C17orf78: variants seen among roughly 807,000 people sequenced by gnomAD.
The protein encoded by C17orf78 is chromosome 17 open reading frame 78, also known as uncharacterized protein C17orf78.
C17orf78 carries 27 observed loss-of-function variants against 31.8 expected under a neutral mutation model. The observed-to-expected ratio is 0.85, with a 90% CI of 0.63 to 1.17. The LOEUF (loss-of-function observed/expected upper bound fraction) is 1.17, where lower values mean the gene tolerates loss of function less well. Ranked by LOEUF, C17orf78 falls within the 50% of genes most tolerant of loss-of-function variation. The pLI, the probability that C17orf78 is intolerant of heterozygous loss-of-function variation, is 0.00. For missense variants in C17orf78, 258 were observed against 315.2 expected, an observed-to-expected ratio of 0.82 and a Z score of 1.37; for synonymous variants, 106 against 115.1, an observed-to-expected ratio of 0.92 and a Z score of 0.51.
chr17:37,388,274 G>A (rs537756208), intron 4 of C17orf78, among the ~76,000 whole-genome samples: 17 of 152,226 alleles, frequency 1.1e-4, no homozygotes, highest in Middle Eastern at 3.4e-3. Context: ...TAGGAAAGGC[G>A]ACTTTCTAAT....
intron 3 of C17orf78, among the ~76,000 whole-genome samples, chr17:37,380,962 T>C (rs2147738808): frequency 6.6e-6 from 1 of 151,830 alleles, no homozygotes; most frequent in East Asian, 1.9e-4. Flanking sequence ...TATAGATTTA[T>C]AGTGAAAAGT....
intron 6 of C17orf78, among the ~76,000 whole-genome samples, chr17:37,391,265 C>T (rs2050872625): frequency 6.6e-6 from 1 of 152,082 alleles, no homozygotes; most frequent in Non-Finnish European, 1.5e-5. Context: ...AGATAGCAAT[C>T]TTATATACAT....
intron 3 of C17orf78, 27 bp downstream of exon 3, chr17:37,379,409 A>C: frequency 6.2e-7 from 1 of 1,604,700 alleles, no homozygotes; most frequent in Non-Finnish European, 8.5e-7. Context: ...GGAAGGGGGC[A>C]GGCACTAACT....
At position 37,380,885 on chromosome 17, in the gene C17orf78, C is replaced by T. The variant is rs561702590; in HGVS notation, c.391+1503C>T. Reference sequence around the variant, plus strand: ...TGCTGGGATTACAGGCGTGAGCCACCGTGCCTGGCCAGGTTTTTTTTTTTT... The same window carrying T: ...TGCTGGGATTACAGGCGTGAGCCACTGTGCCTGGCCAGGTTTTTTTTTTTT... On this transcript the variant is annotated intron_variant, in intron 3 of 6. Transcript: ENST00000615133. 1.5e-4 allele frequency among the ~76,000 whole-genome samples: 23 copies of T among 149,614 alleles called. No homozygotes were observed. In the South Asian group the frequency reaches 2.9e-3, roughly 19 times the overall value.
intron 2 of C17orf78, 122 bp from the exon 3 acceptor site, chr17:37,379,015 T>C (rs1156437781): frequency 3.5e-5 from 42 of 1,208,898 alleles, no homozygotes; most frequent in Non-Finnish European, 4.6e-5. Flanking sequence ...GAGGCTGGAG[T>C]GAGCCATGAT....
intron 3 of C17orf78, among the ~76,000 whole-genome samples, chr17:37,382,113 C>A (rs2050319597): frequency 6.6e-6 from 1 of 152,018 alleles, no homozygotes; most frequent in South Asian, 2.1e-4. Flanking sequence ...TTCTTGTATA[C>A]CTGCAATTTA....
intron 4 of C17orf78, 113 bp from the exon 5 acceptor site, chr17:37,388,557 T>G (rs1363158323): frequency 1.6e-6 from 2 of 1,257,166 alleles, no homozygotes; most frequent in Non-Finnish European, 2.2e-6. Flanking sequence ...GCCTCTGGGT[T>G]AGTCTGGGCC....
chr17:37,388,752 A>C lies in C17orf78; in HGVS notation c.591A>C (p.Gly197=), dbSNP rs1217529583. 2 of 1,612,910 alleles carry C rather than the reference A, an allele frequency of 1.2e-6. No individual in the cohort carries two copies. The highest frequency in any genetic ancestry group is 2.7e-5 in the African/African-American group (2 of 74,894). ...ILIAVTLLLS[G]VAIIVFVIFE... The stretch of plus-strand genomic sequence containing the variant: ...TTGCTGTCACCCTGTTGCTCAGTGG[A>C]GTTGCCATTATAGTATTTGTAATTT... The change falls in exon 5 of 7, where the codon GGA becomes GGC. Residue 197 remains glycine, a synonymous_variant. Coordinates refer to ENST00000615133, the MANE Select transcript of C17orf78 (RefSeq NM_173625.5).
intron 3 of C17orf78, among the ~76,000 whole-genome samples, chr17:37,379,670 A>G (rs961639481): frequency 1.3e-5 from 2 of 152,164 alleles, no homozygotes; most frequent in Admixed American, 1.3e-4. Context: ...AAACACATGA[A>G]AAAATGCTCA....
rs1327599599 is a variant in C17orf78 at position 37,389,311 on chromosome 17, A to G, written c.699A>G (p.Gly233=). Residue 233 remains glycine (G), a synonymous_variant, in exon 6 of 7, where the codon GGA becomes GGG. Coordinates refer to ENST00000615133, the MANE Select transcript of C17orf78 (RefSeq NM_173625.5). The part of the protein sequence containing the change: ...CQWLWRWQKK[G]GQPPGTAESK... ...GGTTGTGGAGATGGCAAAAGAAGGG[A>G]GGCCAGCCACCTGGGACAGCTGAAT... 28 of 1,598,446 alleles carry G rather than the reference A, an allele frequency of 1.8e-5. No homozygotes were observed. The highest frequency in any genetic ancestry group is 2.4e-5 in the Non-Finnish European group (28 of 1,172,828).
intron 4 of C17orf78, among the ~76,000 whole-genome samples, chr17:37,386,420 C>T (rs984440009): frequency 6.6e-6 from 1 of 152,000 alleles, no homozygotes; most frequent in Non-Finnish European, 1.5e-5. Context: ...GGTGAAAACC[C>T]GCCTCTACTA....
Position 37,388,793 on chromosome 17 carries a change from C to T in C17orf78, c.632C>T (p.Pro211Leu). 6.2e-7 allele frequency: 1 copy of T among 1,613,114 alleles called. No homozygotes were observed. The highest frequency in any genetic ancestry group is 1.1e-5 in the South Asian group (1 of 90,830). Reference protein sequence around the residue: ...IVFVIFEVPCPYQCLGARKLC... With the variant: ...IVFVIFEVPCLYQCLGARKLC... ...TTTGTAATTTTTGAAGTCCCATGTCCTGTAAGTTTGCTGTTGTATTGAATC... is the reference window on the plus strand; with the variant it reads ...TTTGTAATTTTTGAAGTCCCATGTCTTGTAAGTTTGCTGTTGTATTGAATC... The change falls in exon 5 of 7, where the codon CCT becomes CTT. Residue 211 changes from proline to leucine, a missense_variant and splice_region_variant. By Grantham distance (98) the Pro-to-Leu change is moderately conservative. Transcript: ENST00000615133.
intron 3 of C17orf78, among the ~76,000 whole-genome samples, chr17:37,384,210 C>T (rs2050428825): frequency 6.6e-6 from 1 of 152,126 alleles, no homozygotes; most frequent in South Asian, 2.1e-4. Context: ...AAAATGTCCT[C>T]AAGTAAAATA....
At chr17:37,387,208 C>G (rs540406253) in intron 4 of C17orf78, 3 of 152,514 alleles carry the variant, frequency 2.0e-5, no homozygotes, top group South Asian at 4.1e-4. Context: ...CAACCTCCCC[C>G]TCCTGGGTTC....
chr17:37,390,022 A>G (rs2050723588), intron 6 of C17orf78, among the ~76,000 whole-genome samples: 2 of 145,404 alleles, frequency 1.4e-5, no homozygotes, highest in African/African-American at 5.1e-5. Context: ...CTGATTCATC[A>G]TGCCTGCAAT....
chr17:37,377,761 G>T, intron 1 of C17orf78, 118 bp from the exon 2 acceptor site: 1 of 648,450 alleles, frequency 1.5e-6, no homozygotes, highest in Non-Finnish European at 2.6e-6. Flanking sequence ...TTATGAGCAG[G>T]AACTGCAATC....
At chr17:37,389,135 T>C in intron 5 of C17orf78, 111 bp from the exon 6 acceptor site, 6 of 1,356,448 alleles carry the variant, frequency 4.4e-6, no homozygotes, top group Non-Finnish European at 6.0e-6. Flanking sequence ...TAGGACTGAA[T>C]ATTTTATTTA....
Position 37,391,880 on chromosome 17 carries a change from A to G in C17orf78, c.*156A>G. 1.4e-6 allele frequency: 1 copy of G among 697,510 alleles called. No individual in the cohort carries two copies. The highest frequency in any genetic ancestry group is 1.8e-5 in the South Asian group (1 of 56,648). 43.2% of individuals were successfully genotyped at this position (697,510 alleles called of 1,614,324 possible). ...AATGAAGGGAGAGTGTGGGCTTAGC[A>G]GAGTTACCCTCATGCCCCTATCTGA... On this transcript the variant is annotated 3_prime_UTR_variant, in exon 7 of 7. Coordinates refer to ENST00000615133, the MANE Select transcript of C17orf78 (RefSeq NM_173625.5).
chr17:37,382,633 A>C (rs1012741631), intron 3 of C17orf78, among the ~76,000 whole-genome samples: 2 of 152,088 alleles, frequency 1.3e-5, no homozygotes, highest in Admixed American at 6.6e-5. Context: ...AGGCCGAGGC[A>C]GGCGGATCAT....
Sources: gnomAD v4.1 joint callset for allele counts (sites outside exome capture counted in the v4.1 genomes callset) on GRCh38, gnomAD v4.1.1 for gene constraint, MANE v1.5 for transcripts, NCBI Gene and HGNC (gene_info 2026-07-23, HGNC 2026-07-21) for gene names.